The following MED12L variants were observed in gnomAD, a reference collection of about 807,000 sequenced individuals.
MED12L encodes mediator complex subunit 12L.
MED12L carries 60 observed loss-of-function variants against 281.3 expected under a neutral mutation model. The observed-to-expected ratio is 0.21, with a 90% CI of 0.17 to 0.26. The LOEUF is 0.26. Ranked by LOEUF, MED12L falls within the 10% of genes least tolerant of loss-of-function variation. The pLI is 1.00. For synonymous variants in MED12L, 974 were observed against 987.2 expected, an observed-to-expected ratio of 0.99 and a Z score of 0.25; for missense variants, 2,146 against 2,680.9, an observed-to-expected ratio of 0.80 and a Z score of 4.41.
chr3:151,141,710 G>C (rs1717059753), intron 5 of MED12L, among the ~76,000 whole-genome samples: 1 of 152,176 alleles, frequency 6.6e-6, no homozygotes, highest in Non-Finnish European at 1.5e-5. Flanking sequence ...TGGTTCTTCA[G>C]TTATCTTCCA....
intron 43 of MED12L, among the ~76,000 whole-genome samples, chr3:151,422,221 A>G (rs550035896): frequency 7.8e-4 from 119 of 152,298 alleles, no homozygotes; most frequent in African/African-American, 2.7e-3. Context: ...CGGTTGCTGA[A>G]TTTTTGACAG....
intron 2 of MED12L, 100 bp downstream of exon 2, chr3:151,087,125 A>C: frequency 3.1e-6 from 3 of 958,934 alleles, no homozygotes; most frequent in Non-Finnish European, 4.6e-6. Context: ...CTGCGGTGGA[A>C]GAGGTCGGGG....
rs757652813 is a variant in MED12L at position 151,372,637 on chromosome 3, A to T, written c.3735A>T (p.Arg1245=). Residue 1245 remains arginine, a synonymous_variant, in exon 27 of 45, where the codon CGA becomes CGT. Transcript: ENST00000687756. The part of the protein sequence containing the change: ...KNDDFTMRGL[R]CDGNADDIWT... Reference sequence around the variant, plus strand: ...ATGACTTCACCATGAGAGGTTTGCGATGTGATGGGAATGCTGATGATATCT... The same window carrying T: ...ATGACTTCACCATGAGAGGTTTGCGTTGTGATGGGAATGCTGATGATATCT... 1.9e-6 allele frequency: 3 copies of T among 1,613,970 alleles called. No homozygotes were observed. The highest frequency in any genetic ancestry group is 3.3e-5 in the Admixed American group (2 of 60,018).
At chr3:151,146,293 A>G (rs898804871) in intron 5 of MED12L, among the ~76,000 whole-genome samples, 1 of 152,094 alleles carries the variant, frequency 6.6e-6, no homozygotes, top group African/African-American at 2.4e-5. Flanking sequence ...TGCCATCTGC[A>G]TTGCCTGAAA....
intron 16 of MED12L, among the ~76,000 whole-genome samples, chr3:151,335,943 T>C (rs1358128848): frequency 3.9e-5 from 6 of 152,234 alleles, no homozygotes; most frequent in Non-Finnish European, 7.3e-5. Context: ...GTGGAAATTG[T>C]CATCTCAGTG....
intron 5 of MED12L, among the ~76,000 whole-genome samples, chr3:151,139,241 T>C (rs868464572): frequency 3.3e-5 from 5 of 152,190 alleles, no homozygotes; most frequent in African/African-American, 1.2e-4. Flanking sequence ...AGAAGGTGCA[T>C]TCCATGTTCA....
chr3:151,249,536 A>T (rs1488233436), intron 16 of MED12L, among the ~76,000 whole-genome samples: 1 of 152,104 alleles, frequency 6.6e-6, no homozygotes, highest in Non-Finnish European at 1.5e-5. Context: ...GGACCCCAAG[A>T]CTATGCTATC....
intron 2 of MED12L, among the ~76,000 whole-genome samples, chr3:151,109,387 A>G (rs993733195): frequency 1.3e-5 from 2 of 152,222 alleles, no homozygotes; most frequent in Non-Finnish European, 2.9e-5. Flanking sequence ...AAAAATACAG[A>G]GTGAACACAG....
chr3:151,193,015 G>A (rs73018640), intron 15 of MED12L, among the ~76,000 whole-genome samples: 12,571 of 151,966 alleles, frequency 0.083, 1,191 homozygotes, highest in African/African-American at 0.22. Flanking sequence ...GGCCTATTAT[G>A]CATTCTTCTA....
intron 3 of MED12L, among the ~76,000 whole-genome samples, chr3:151,121,110 G>C (rs1020931668): frequency 2.6e-5 from 4 of 152,170 alleles, no homozygotes; most frequent in Admixed American, 2.0e-4. Flanking sequence ...GCAATCTGCA[G>C]CTGTAGGTGT....
intron 16 of MED12L, among the ~76,000 whole-genome samples, chr3:151,266,047 G>A (rs1156852037): frequency 6.6e-6 from 1 of 152,168 alleles, no homozygotes; most frequent in Non-Finnish European, 1.5e-5. Context: ...ACTTAGATTC[G>A]ACTTGGCAGT....
chr3:151,387,770 AG>A (rs758470694), intron 36 of MED12L, 39 bp from the exon 37 acceptor site: 1 of 1,554,938 alleles, frequency 6.4e-7, no homozygotes, highest in South Asian at 1.2e-5. Context: ...AATAAGGAAA[AG>A]ATCTGAGTGT....
intron 2 of MED12L, among the ~76,000 whole-genome samples, chr3:151,097,863 T>G (rs1720922641): frequency 6.6e-6 from 1 of 152,162 alleles, no homozygotes; most frequent in Admixed American, 6.5e-5. Flanking sequence ...GATGGACTTG[T>G]AAATGAGGAG....
chr3:151,190,634 G>A, intron 13 of MED12L, 83 bp from the exon 14 acceptor site: 3 of 1,222,672 alleles, frequency 2.5e-6, no homozygotes, highest in Non-Finnish European at 3.5e-6. Flanking sequence ...ATTGTGAAAA[G>A]TAATGAAAAT....
At chr3:151,116,260 A>G (rs1273513601) in intron 2 of MED12L, 78 bp from the exon 3 acceptor site, 8 of 942,130 alleles carry the variant, frequency 8.5e-6, no homozygotes, top group South Asian at 3.2e-5. Flanking sequence ...AAATTTAGCC[A>G]TTACTTAGGA....
At chr3:151,423,190 T>G (rs1718475557) in intron 43 of MED12L, among the ~76,000 whole-genome samples, 1 of 151,842 alleles carries the variant, frequency 6.6e-6, no homozygotes, top group Non-Finnish European at 1.5e-5. Context: ...CAGCTATTTT[T>G]TTTTTTTATA....
intron 11 of MED12L, among the ~76,000 whole-genome samples, chr3:151,181,576 CTTTTTTTTTTTT>C (rs57658133): frequency 6.4e-5 from 3 of 47,098 alleles, no homozygotes; most frequent in East Asian, 6.4e-4. Flanking sequence ...AGCTCATTGT[CTTTTTTTTTTTT>C]TTTTTTTTTT....
At chr3:151,315,276 G>C (rs1160587761) in intron 16 of MED12L, among the ~76,000 whole-genome samples, 9 of 152,146 alleles carry the variant, frequency 5.9e-5, no homozygotes. Context: ...AGATATTAAG[G>C]AAGAAAAGCA....
intron 12 of MED12L, 22 bp downstream of exon 12, chr3:151,185,483 C>T (rs1234729653): frequency 6.2e-7 from 1 of 1,612,758 alleles, no homozygotes. Context: ...TTTCTTTCTG[C>T]TTGTTGAATG....
Sources: gnomAD v4.1 joint callset for allele counts (sites outside exome capture counted in the v4.1 genomes callset) on GRCh38, gnomAD v4.1.1 for gene constraint, MANE v1.5 for transcripts, NCBI Gene and HGNC (gene_info 2026-07-23, HGNC 2026-07-21) for gene names.